DCC: variants seen among roughly 807,000 people sequenced by gnomAD.
The protein encoded by DCC is DCC netrin 1 receptor, also known as netrin receptor DCC.
DCC carries 58 observed loss-of-function variants against 172.5 expected under a neutral mutation model. The ratio of observed to expected loss-of-function variants is 0.34; its 90% CI spans 0.27 to 0.42. The LOEUF (loss-of-function observed/expected upper bound fraction) is 0.42, where lower values mean the gene tolerates loss of function less well. Among genes scored for constraint, DCC ranks in the 10% least tolerant of loss-of-function variants. The probability of loss-of-function intolerance (pLI) is 1.00; values close to 1 mark genes in which losing one functional copy is unlikely to be tolerated. For missense variants in DCC, 1,740 were observed against 1,791.0 expected (o/e 0.97, Z 0.51); for synonymous variants, 709 against 644.5 (o/e 1.10, Z -1.52).
At chr18:53,294,014 A>G (rs372339301) in intron 12 of DCC, among the ~76,000 whole-genome samples, 4 of 152,254 alleles carry the variant, frequency 2.6e-5, no homozygotes, top group South Asian at 2.1e-4. Flanking sequence ...TGCTCCTACA[A>G]TGAAGCGGGT....
At chr18:53,016,581 A>G (rs1057088445) in intron 5 of DCC, among the ~76,000 whole-genome samples, 2 of 152,108 alleles carry the variant, frequency 1.3e-5, no homozygotes, top group Non-Finnish European at 2.9e-5. Flanking sequence ...GTTACCTAAC[A>G]TATTTGAAAC....
intron 1 of DCC, among the ~76,000 whole-genome samples, chr18:52,565,612 T>C (rs1344769134): frequency 6.6e-6 from 1 of 152,216 alleles, no homozygotes. Flanking sequence ...CTCTTTTTCA[T>C]ATGTTTGTTG....
At chr18:52,792,372 AAGG>A (rs544533267) in intron 2 of DCC, among the ~76,000 whole-genome samples, 254 of 152,320 alleles carry the variant, frequency 1.7e-3, no homozygotes, top group African/African-American at 5.8e-3. Flanking sequence ...ATGGACGAGA[AAGG>A]AGGAAATTAT....
At chr18:53,178,817 T>A in intron 8 of DCC, 145 bp from the exon 9 acceptor site, 1 of 763,044 alleles carries the variant, frequency 1.3e-6, no homozygotes, top group South Asian at 1.5e-5. Context: ...ATAGAAAGTC[T>A]GAGGTCTTGA....
chr18:52,389,440 G>A (rs747571988), intron 1 of DCC, among the ~76,000 whole-genome samples: 7 of 152,034 alleles, frequency 4.6e-5, no homozygotes, highest in Non-Finnish European at 8.8e-5. Context: ...ACAATCTTAT[G>A]TTAATAACGC....
At chr18:53,108,594 T>C (rs533393146) in intron 7 of DCC, among the ~76,000 whole-genome samples, 17 of 151,954 alleles carry the variant, frequency 1.1e-4, no homozygotes, top group African/African-American at 3.9e-4. Flanking sequence ...AAAACTTGTT[T>C]CTAACTTTTA....
chr18:52,885,699 C>T (rs2039558902), intron 2 of DCC, among the ~76,000 whole-genome samples: 1 of 152,224 alleles, frequency 6.6e-6, no homozygotes. Flanking sequence ...GTCCCCTTTA[C>T]TTTTCCCTCT....
intron 1 of DCC, among the ~76,000 whole-genome samples, chr18:52,591,542 C>A (rs1179450265): frequency 6.6e-6 from 1 of 151,816 alleles, no homozygotes; most frequent in Non-Finnish European, 1.5e-5. Context: ...AATATAAGTT[C>A]ATGAAAATGC....
At chr18:53,287,048 C>A (rs1271827624) in intron 12 of DCC, among the ~76,000 whole-genome samples, 10 of 152,002 alleles carry the variant, frequency 6.6e-5, no homozygotes, top group African/African-American at 2.4e-4. Context: ...TACCATTTTC[C>A]CATTTAAAGT....
At chr18:53,231,698 G>A (rs1462595027) in intron 12 of DCC, among the ~76,000 whole-genome samples, 1 of 152,066 alleles carries the variant, frequency 6.6e-6, no homozygotes, top group Non-Finnish European at 1.5e-5. Context: ...ACTTTTAACT[G>A]TGTGGGTGTT....
intron 7 of DCC, among the ~76,000 whole-genome samples, chr18:53,132,695 G>T (rs776339932): frequency 6.6e-6 from 1 of 152,154 alleles, no homozygotes; most frequent in Non-Finnish European, 1.5e-5. Flanking sequence ...GGACCTGAAA[G>T]GGTGTGCACC....
At chr18:52,927,266 T>C (rs1156466626) in intron 5 of DCC, among the ~76,000 whole-genome samples, 1 of 145,516 alleles carries the variant, frequency 6.9e-6, no homozygotes, top group Non-Finnish European at 1.5e-5. Context: ...TATATGCACA[T>C]ATATACTTAT....
At chr18:52,488,442 T>G (rs1016862843) in intron 1 of DCC, among the ~76,000 whole-genome samples, 1 of 152,158 alleles carries the variant, frequency 6.6e-6, no homozygotes, top group Admixed American at 6.5e-5. Flanking sequence ...AGATCTGAGG[T>G]AGGACTGTAT....
chr18:52,551,971 G>A (rs1598907654), intron 1 of DCC, among the ~76,000 whole-genome samples: 2 of 151,414 alleles, frequency 1.3e-5, no homozygotes, highest in East Asian at 1.9e-4. Context: ...TGGTGTGGGG[G>A]GTATTGATGC....
At chr18:53,253,079 CAT>C (rs1160463992) in intron 12 of DCC, among the ~76,000 whole-genome samples, 3 of 151,678 alleles carry the variant, frequency 2.0e-5, no homozygotes, top group South Asian at 2.1e-4. Flanking sequence ...CAGAATATAA[CAT>C]ATAGATACAT....
intron 7 of DCC, among the ~76,000 whole-genome samples, chr18:53,076,161 C>T (rs955991579): frequency 2.6e-5 from 4 of 152,078 alleles, no homozygotes; most frequent in Non-Finnish European, 4.4e-5. Flanking sequence ...TGGCACAAGA[C>T]GTATGATACA....
intron 13 of DCC, among the ~76,000 whole-genome samples, chr18:53,320,970 C>T (rs773729498): frequency 6.6e-6 from 1 of 151,980 alleles, no homozygotes; most frequent in Non-Finnish European, 1.5e-5. Context: ...CTAATAGTAC[C>T]GTCTATTGAA....
At chr18:52,983,628 C>T (rs939132717) in intron 5 of DCC, among the ~76,000 whole-genome samples, 6 of 152,166 alleles carry the variant, frequency 3.9e-5, no homozygotes, top group Admixed American at 2.0e-4. Flanking sequence ...GTAACTAAGA[C>T]GTAACTAGAG....
intron 12 of DCC, among the ~76,000 whole-genome samples, chr18:53,216,662 A>G (rs2055856816): frequency 6.6e-6 from 1 of 152,188 alleles, no homozygotes; most frequent in Non-Finnish European, 1.5e-5. Context: ...AGGAAGCCAT[A>G]TCTTGTGATG....
Sources: gnomAD v4.1 joint callset for allele counts (sites outside exome capture counted in the v4.1 genomes callset) on GRCh38, gnomAD v4.1.1 for gene constraint, MANE v1.5 for transcripts, NCBI Gene and HGNC (gene_info 2026-07-23, HGNC 2026-07-21) for gene names.